Variants in SLC6A3 observed in about 807,000 individuals in gnomAD.
SLC6A3 encodes solute carrier family 6 member 3.
In SLC6A3, 19 loss-of-function variants were observed where a neutral mutation model predicts 70.4. That is an observed-to-expected ratio of 0.27 (90% CI 0.19 to 0.40). The LOEUF (loss-of-function observed/expected upper bound fraction) is 0.40, where lower values mean the gene tolerates loss of function less well. Ranked by LOEUF, SLC6A3 falls within the 10% of genes least tolerant of loss-of-function variation. The pLI, the probability that SLC6A3 is intolerant of heterozygous loss-of-function variation, is 1.00. For missense variants in SLC6A3, 613 were observed against 838.5 expected, an observed-to-expected ratio of 0.73 and a Z score of 3.32; for synonymous variants, 368 against 356.6, an observed-to-expected ratio of 1.03 and a Z score of -0.36.
At chr5:1,433,250 C>T (rs1756749716) in intron 3 of SLC6A3, among the ~76,000 whole-genome samples, 2 of 151,896 alleles carry the variant, frequency 1.3e-5, no homozygotes, top group Admixed American at 1.3e-4. Context: ...CCCAGGGCTA[C>T]CTAGGGAGCC....
chr5:1,414,758 G>T lies in SLC6A3; in HGVS notation c.1089C>A (p.Val363=). Residue 363 remains valine (V), a synonymous_variant, in exon 8 of 15, where the codon GTC becomes GTA. Coordinates refer to ENST00000270349, the MANE Select transcript of SLC6A3 (RefSeq NM_001044.5). The part of the protein sequence containing the change: ...NSLTSFSSGF[V]VFSFLGYMAQ... ...CCATGTACCCCAGGAAGGAGAAGAC[G>T]ACGAAGCCGGAGGAGAAGCTCGTCA... is the stretch of plus-strand genomic sequence containing the variant. The T allele has an allele frequency of 6.2e-7, 1 of 1,612,894 alleles. No individual in the cohort carries two copies. The highest frequency in any genetic ancestry group is 8.5e-7 in the Non-Finnish European group (1 of 1,179,888).
At position 1,409,765 on chromosome 5, in the gene SLC6A3, T is replaced by A; in HGVS notation, c.1354A>T (p.Ile452Phe). 1 of 1,613,384 alleles carries A rather than the reference T, an allele frequency of 6.2e-7. No individual in the cohort carries two copies. The highest frequency in any genetic ancestry group is 8.5e-7 in the Non-Finnish European group (1 of 1,179,998). The change falls in exon 10 of 15, where the codon ATC (isoleucine) becomes TTC (phenylalanine). Residue 452 changes from isoleucine (I) to phenylalanine (F), a missense_variant. Physicochemically the swap from Ile to Phe is conservative, Grantham distance 21. Coordinates refer to ENST00000270349, the MANE Select transcript of SLC6A3 (RefSeq NM_001044.5). ...HRHRELFTLF[I>F]VLATFLLSLF... The stretch of plus-strand genomic sequence containing the variant: ...GACAGGAGGAAGGTCGCCAGGACGA[T>A]GAAGAGCGTGAAGAGCTCACGGTGT...
rs1755922597 is a variant in SLC6A3, at chr5:1,404,409, A to G, written c.1600-1320T>C. Among the ~76,000 whole-genome samples the G allele has an allele frequency of 6.6e-6, 1 of 152,212 alleles. No homozygotes were observed. Among genetic ancestry groups the G allele is most frequent in the Non-Finnish European group, 1.5e-5 (1 of 68,030 alleles). Reference sequence around the variant, plus strand: ...GACATGTCGGGCTTGCCTATCTGACATGGAGGTATTGCTGTAATGTGCTCT... The same window carrying G: ...GACATGTCGGGCTTGCCTATCTGACGTGGAGGTATTGCTGTAATGTGCTCT... On this transcript the variant is annotated intron_variant, in intron 12 of 14. Coordinates refer to ENST00000270349, the MANE Select transcript of SLC6A3 (RefSeq NM_001044.5). The surrounding 1 kb of genome is among the most constrained non-coding windows in gnomAD (Gnocchi z 5.2).
rs1402764843 is a variant in SLC6A3 at position 1,404,596 on chromosome 5, C to T, written c.1600-1507G>A. Among the ~76,000 whole-genome samples, 1 of 152,220 alleles carries T rather than the reference C, an allele frequency of 6.6e-6. No individual in the cohort carries two copies. On this transcript the variant is annotated intron_variant, in intron 12 of 14. Coordinates refer to ENST00000270349, the MANE Select transcript of SLC6A3 (RefSeq NM_001044.5). This position sits in a 1 kb window ranked among gnomAD's most constrained non-coding sequence, Gnocchi z 5.2. ...CAGAGTCATCTGAACGAGACTGGGGCGTGTACACCCCTTACGACCAGAGGT... is the reference window on the plus strand; with the variant it reads ...CAGAGTCATCTGAACGAGACTGGGGTGTGTACACCCCTTACGACCAGAGGT...
At position 1,443,219 on chromosome 5, in the gene SLC6A3, A is replaced by G. The variant is rs1322806525; in HGVS notation, c.-22T>C. Reference sequence around the variant, plus strand: ...TCATGGGCACACTGGGAGTTGAGGAATTCTGTGCTTCTTCCCTCTTGGTCT... The same window carrying G: ...TCATGGGCACACTGGGAGTTGAGGAGTTCTGTGCTTCTTCCCTCTTGGTCT... On this transcript the variant is annotated 5_prime_UTR_variant, in exon 2 of 15. Transcript: ENST00000270349. 1 of 1,613,616 alleles carries G rather than the reference A, an allele frequency of 6.2e-7. No homozygotes were observed. Among genetic ancestry groups the G allele is most frequent in the Non-Finnish European group, 8.5e-7 (1 of 1,179,554 alleles).
rs1560912794 is a variant in SLC6A3 at position 1,414,406 on chromosome 5, C to CCGGGAGGGGCAGGGCGGAGAAGGCA, written c.1156+284_1156+285insTGCCTTCTCCGCCCTGCCCCTCCCG. On this transcript the variant is annotated intron_variant, in intron 8 of 14. Transcript: ENST00000270349. ...GCAGGAAAGGCACTGGGTGGGGGGG[C>CCGGGAGGGGCAGGGCGGAGAAGGCA]CTGGAGGGGCAGGGCGGAGAAGGCA... Among the ~76,000 whole-genome samples the CCGGGAGGGGCAGGGCGGAGAAGGCA allele has an allele frequency of 2.1e-5, 3 of 145,166 alleles. 1 individual carries two copies. Among genetic ancestry groups the CCGGGAGGGGCAGGGCGGAGAAGGCA allele is most frequent in the African/African-American group, 7.8e-5 (3 of 38,596 alleles).
At chr5:1,414,864 C>T (rs779557121) in intron 7 of SLC6A3, 49 bp from the exon 8 acceptor site, 2 of 1,611,644 alleles carry the variant, frequency 1.2e-6, no homozygotes, top group South Asian at 1.1e-5. Context: ...GCTGCAGCAG[C>T]TGCAATTTTC....
intron 4 of SLC6A3, among the ~76,000 whole-genome samples, chr5:1,422,420 C>T (rs1311770507): frequency 7.8e-6 from 1 of 127,744 alleles, no homozygotes; most frequent in Non-Finnish European, 1.6e-5. Context: ...ACGGTGCTGC[C>T]CACGCTGCTG....
intron 6 of SLC6A3, among the ~76,000 whole-genome samples, chr5:1,416,798 CA>C (rs1487733855): frequency 6.6e-6 from 1 of 151,948 alleles, no homozygotes; most frequent in Non-Finnish European, 1.5e-5. Flanking sequence ...CGGACTCATC[CA>C]CACACAACAT....
At position 1,406,407 on chromosome 5, in the gene SLC6A3, T is replaced by C. The variant is rs1423954835; in HGVS notation, c.1499-119A>G. On this transcript the variant is annotated intron_variant, in intron 11 of 14. Coordinates refer to ENST00000270349, the MANE Select transcript of SLC6A3 (RefSeq NM_001044.5). This position sits in a 1 kb window ranked among gnomAD's most constrained non-coding sequence, Gnocchi z 8.8. ...CCACCTACCGGCCCCAGGCTTCGGCTGCACCCAGCCTCCTGCAGAGGAGGC... is the reference window on the plus strand; with the variant it reads ...CCACCTACCGGCCCCAGGCTTCGGCCGCACCCAGCCTCCTGCAGAGGAGGC... 38 of 872,566 alleles carry C rather than the reference T, an allele frequency of 4.4e-5. 1 individual carries two copies. The East Asian group carries it at 8.9e-4, about 20-fold the overall frequency. 54.1% of individuals were successfully genotyped at this position (872,566 alleles called of 1,614,324 possible).
rs548136938 is a variant in SLC6A3 at position 1,413,106 on chromosome 5, T to G, written c.1156+1585A>C. ...GACATTTACTTTGCTTGTCATGAAA[T>G]GCACAGAAGAACATTCAACTTTATT... On this transcript the variant is annotated intron_variant, in intron 8 of 14. Transcript: ENST00000270349. This position sits in a 1 kb window ranked among gnomAD's most constrained non-coding sequence, Gnocchi z 7.1. Among the ~76,000 whole-genome samples the G allele has an allele frequency of 5.3e-5, 8 of 152,340 alleles. No individual in the cohort carries two copies. The highest frequency in any genetic ancestry group is 3.3e-4 in the Admixed American group (5 of 15,312).
chr5:1,402,791 T>C lies in SLC6A3; in HGVS notation c.1767+131A>G, dbSNP rs1225095639. The C allele has an allele frequency of 4.4e-6, 4 of 904,568 alleles. No individual in the cohort carries two copies. Among genetic ancestry groups the C allele is most frequent in the South Asian group, 4.3e-5 (3 of 70,428 alleles). The allele number at this position is 904,568 out of a possible 1,614,324, so 56.0% of individuals were successfully genotyped here. A position where few individuals can be genotyped will look rare whatever the true frequency, so the allele number is the denominator to read the frequency against. On this transcript the variant is annotated intron_variant, in intron 13 of 14. Coordinates refer to ENST00000270349, the MANE Select transcript of SLC6A3 (RefSeq NM_001044.5). This position sits in a 1 kb window ranked among gnomAD's most constrained non-coding sequence, Gnocchi z 8.5. ...ACACGCACACACACACACAGTGTTGTGGTGGCCACCTCCAGTCTCCTCCTC... is the reference window on the plus strand; with the variant it reads ...ACACGCACACACACACACAGTGTTGCGGTGGCCACCTCCAGTCTCCTCCTC...
At position 1,438,008 on chromosome 5, in the gene SLC6A3, C is replaced by G. The variant is rs556891181; in HGVS notation, c.418+3351G>C. On this transcript the variant is annotated intron_variant, in intron 3 of 14. Transcript: ENST00000270349. The surrounding 1 kb of genome is among the most constrained non-coding windows in gnomAD (Gnocchi z 6.5). ...ATCTGATTTCATAAGCAATGTCAGT[C>G]TCCTCTAAACTGGCATCCTGCGCTT... is the stretch of plus-strand genomic sequence containing the variant. Among the ~76,000 whole-genome samples, 1 of 152,320 alleles carries G rather than the reference C, an allele frequency of 6.6e-6. No individual in the cohort carries two copies. The highest frequency in any genetic ancestry group is 1.5e-5 in the Non-Finnish European group (1 of 68,034).
chr5:1,402,759 GAC>G lies in SLC6A3; in HGVS notation c.1767+161_1767+162del, dbSNP rs1454956882. 1.3e-5 allele frequency among the ~76,000 whole-genome samples: 2 copies of G among 152,030 alleles called. No homozygotes were observed. Among genetic ancestry groups the G allele is most frequent in the East Asian group, 1.9e-4 (1 of 5,182 alleles). On this transcript the variant is annotated intron_variant, in intron 13 of 14. Transcript: ENST00000270349. This position sits in a 1 kb window ranked among gnomAD's most constrained non-coding sequence, Gnocchi z 8.5. ...ACCCATGGGCCCGGGCGTGCAGGTG[GAC>G]ACACACACGCACACACACACACAGT...
rs1393166490 is a variant in SLC6A3 at position 1,401,157 on chromosome 5, T to C, written c.1768-171A>G. 1 of 703,796 alleles carries C rather than the reference T, an allele frequency of 1.4e-6. No individual in the cohort carries two copies. Among genetic ancestry groups the C allele is most frequent in the Non-Finnish European group, 2.6e-6 (1 of 386,100 alleles). 43.6% of individuals were successfully genotyped at this position (703,796 alleles called of 1,614,324 possible). On this transcript the variant is annotated intron_variant, in intron 13 of 14. Transcript: ENST00000270349. This position sits in a 1 kb window ranked among gnomAD's most constrained non-coding sequence, Gnocchi z 6.1. ...ATATCACCAGCGCCCACCACTGACTTACACTGCCAGTGCCCATGCCGACCA... is the reference window on the plus strand; with the variant it reads ...ATATCACCAGCGCCCACCACTGACTCACACTGCCAGTGCCCATGCCGACCA...
At chr5:1,443,334 C>A in intron 1 of SLC6A3, 92 bp from the exon 2 acceptor site, 1 of 1,015,356 alleles carries the variant, frequency 9.8e-7, no homozygotes, top group Admixed American at 1.8e-5. Context: ...GGCAGAGCCC[C>A]GAGGCATTCA....
intron 4 of SLC6A3, among the ~76,000 whole-genome samples, chr5:1,431,897 A>G (rs1756714628): frequency 6.6e-6 from 1 of 152,204 alleles, no homozygotes; most frequent in African/African-American, 2.4e-5. Context: ...ATGCAGGTAA[A>G]CAACAAAACA....
rs1467451013 is a variant in SLC6A3 at position 1,405,929 on chromosome 5, G to A, written c.1599+259C>T. ...CTCCCAACACAGAGGCGCGGCCCAA[G>A]TGCAGGACTCACAACGGACTGTGAC... On this transcript the variant is annotated intron_variant, in intron 12 of 14. Transcript: ENST00000270349. The surrounding 1 kb of genome is among the most constrained non-coding windows in gnomAD (Gnocchi z 5.3). 6.6e-6 allele frequency among the ~76,000 whole-genome samples: 1 copy of A among 152,232 alleles called. No homozygotes were observed. Among genetic ancestry groups the A allele is most frequent in the African/African-American group, 2.4e-5 (1 of 41,466 alleles).
chr5:1,432,402 G>T, intron 4 of SLC6A3, 62 bp downstream of exon 4: 1 of 1,290,634 alleles, frequency 7.7e-7, no homozygotes, highest in Non-Finnish European at 1.1e-6. Context: ...CAACCAAGGG[G>T]CTACCATGGG....
Sources: gnomAD v4.1 joint callset for allele counts (sites outside exome capture counted in the v4.1 genomes callset) on GRCh38, gnomAD v4.1.1 for gene constraint, Gnocchi (gnomAD v3.1) non-coding constraint, MANE v1.5 for transcripts, NCBI Gene and HGNC (gene_info 2026-07-23, HGNC 2026-07-21) for gene names.